The following OSBPL1A variants were observed in gnomAD, a reference collection of about 807,000 sequenced individuals.
OSBPL1A encodes the protein oxysterol binding protein like 1A.
A neutral mutation model predicts 137.1 loss-of-function variants in OSBPL1A; 80 were observed. That is an observed-to-expected ratio of 0.58 (90% CI 0.49 to 0.70). OSBPL1A has a LOEUF of 0.70. Among genes scored for constraint, OSBPL1A ranks in the 30% least tolerant of loss-of-function variants. The pLI, the probability that OSBPL1A is intolerant of heterozygous loss-of-function variation, is 0.00. For missense variants in OSBPL1A, 970 were observed against 1,129.4 expected (o/e 0.86, Z 2.02); for synonymous variants, 365 against 389.7 (o/e 0.94, Z 0.75).
intron 4 of OSBPL1A, chr18:24,366,558 G>C: frequency 5.2e-6 from 1 of 192,026 alleles, no homozygotes; most frequent in Non-Finnish European, 1.1e-5. Context: ...CAATATCACA[G>C]GTGAAGTTTA....
In OSBPL1A at chr18:24,162,803, A is replaced by T. The variant is rs1367269966; in HGVS notation, c.*376T>A. ...ATCTAAAACATTCAAGCATGACAGC[A>T]TAAAAATATTCAAAATAACTTGATT... is the stretch of plus-strand genomic sequence containing the variant. On this transcript the variant is annotated 3_prime_UTR_variant, in exon 28 of 28. Coordinates refer to ENST00000319481, the MANE Select transcript of OSBPL1A (RefSeq NM_080597.4). 3 of 170,306 alleles carry T rather than the reference A, an allele frequency of 1.8e-5. No individual in the cohort carries two copies. Among genetic ancestry groups the T allele is most frequent in the African/African-American group, 7.2e-5 (3 of 41,566 alleles). 10.5% of individuals were successfully genotyped at this position (170,306 alleles called of 1,614,324 possible). A position where few individuals can be genotyped will look rare whatever the true frequency, so the allele number is the denominator to read the frequency against.
At chr18:24,316,604 A>C (rs556341055) in intron 11 of OSBPL1A, among the ~76,000 whole-genome samples, 1 of 152,362 alleles carries the variant, frequency 6.6e-6, no homozygotes, top group South Asian at 2.1e-4. Flanking sequence ...CAATTAATCA[A>C]GAAGACAACA....
At chr18:24,253,095 C>T (rs999625605) in intron 15 of OSBPL1A, among the ~76,000 whole-genome samples, 1 of 142,128 alleles carries the variant, frequency 7.0e-6, no homozygotes, top group African/African-American at 2.6e-5. Context: ...AGTAACAAAA[C>T]GACAGGAGTC....
intron 17 of OSBPL1A, among the ~76,000 whole-genome samples, chr18:24,200,367 G>T (rs907936566): frequency 3.3e-5 from 5 of 152,044 alleles, no homozygotes; most frequent in African/African-American, 1.2e-4. Flanking sequence ...TTCGAGACCA[G>T]CCTGGCCAAG....
chr18:24,222,075 GACAGCAGGCATCTTATTCCTGAT>G (rs2087911027), intron 17 of OSBPL1A, among the ~76,000 whole-genome samples: 1 of 152,084 alleles, frequency 6.6e-6, no homozygotes, highest in African/African-American at 2.4e-5. Flanking sequence ...TAAAAAAGAT[GACAGCAGGCATCTTATTCCTGAT>G]AAGAACTGTT....
Position 24,271,678 on chromosome 18 carries a change from T to A in OSBPL1A, c.1281+9164A>T, listed in dbSNP as rs1196217398. The A allele has an allele frequency of 1.0e-6, 1 of 985,532 alleles. No homozygotes were observed. The highest frequency in any genetic ancestry group is 1.7e-5 in the African/African-American group (1 of 57,202). The allele number at this position is 985,532 out of a possible 1,614,324, so 61.0% of individuals were successfully genotyped here. A position where few individuals can be genotyped will look rare whatever the true frequency, so the allele number is the denominator to read the frequency against. On this transcript the variant is annotated intron_variant, in intron 15 of 27. Transcript: ENST00000319481. The surrounding 1 kb of genome is among the most constrained non-coding windows in gnomAD (Gnocchi z 4.0). ...GCTCCACCCTGCGCTCCTCGCAAGC[T>A]CCAGCGCGAATGCGCTCGGCCTGCT...
intron 15 of OSBPL1A, among the ~76,000 whole-genome samples, chr18:24,242,231 A>T (rs2088721068): frequency 6.6e-6 from 1 of 151,076 alleles, no homozygotes; most frequent in African/African-American, 2.4e-5. Flanking sequence ...ACCATGGCAC[A>T]TATATATATA....
chr18:24,395,814 G>T (rs1286421964), intron 1 of OSBPL1A, among the ~76,000 whole-genome samples: 1 of 151,132 alleles, frequency 6.6e-6, no homozygotes, highest in Non-Finnish European at 1.5e-5. Flanking sequence ...TAGAGACAGG[G>T]TTTCATCATT....
chr18:24,307,809 G>T (rs1422154040), intron 13 of OSBPL1A, among the ~76,000 whole-genome samples: 1 of 152,108 alleles, frequency 6.6e-6, no homozygotes, highest in Admixed American at 6.5e-5. Context: ...TTTGAGAGAG[G>T]CTGGCTCTAT....
At chr18:24,225,310 T>G in intron 16 of OSBPL1A, 112 bp from the exon 17 acceptor site, 1 of 1,107,838 alleles carries the variant, frequency 9.0e-7, no homozygotes, top group South Asian at 1.5e-5. Context: ...GCCTACTTTG[T>G]CCCTCAACAA....
chr18:24,166,742 G>A (rs2086153632), intron 25 of OSBPL1A, 40 bp from the exon 26 acceptor site: 1 of 1,581,754 alleles, frequency 6.3e-7, no homozygotes, highest in Non-Finnish European at 8.6e-7. Context: ...ATATGCCAAG[G>A]CATAATGCAA....
At chr18:24,328,218 ATTTTTTTTTTTTTT>A (rs564798076) in intron 7 of OSBPL1A, among the ~76,000 whole-genome samples, 2 of 48,598 alleles carry the variant, frequency 4.1e-5, no homozygotes, top group African/African-American at 2.1e-4. Flanking sequence ...AATTTTTTGT[ATTTTTTTTTTTTTT>A]TTTTTTTTTT....
chr18:24,171,938 T>C (rs1269329153), intron 22 of OSBPL1A, among the ~76,000 whole-genome samples: 4 of 150,450 alleles, frequency 2.7e-5, no homozygotes, highest in Non-Finnish European at 5.9e-5. Flanking sequence ...TTATATTGCC[T>C]GATCCTTTTT....
Position 24,368,346 on chromosome 18 carries a change from T to C in OSBPL1A, c.148A>G (p.Thr50Ala). Reference sequence around the variant, plus strand: ...AAATAGCATGCCAGATGTAGAGGTGTCCAGCCCAAGTTAGACTTACTTCTT... The same window carrying C: ...AAATAGCATGCCAGATGTAGAGGTGCCCAGCCCAAGTTAGACTTACTTCTT... Reference protein sequence around the residue: ...KGRSKSNLGWTPLHLACYFGH... With the variant: ...KGRSKSNLGWAPLHLACYFGH... The change falls in exon 3 of 28, where the codon ACA becomes GCA. Residue 50 changes from threonine (T) to alanine (A), a missense_variant. Thr to Ala is a moderately conservative substitution (Grantham distance 58). Around this residue, in one of 2 missense-constraint regions of OSBPL1A, gnomAD observed 647 missense variants for 672.6 expected, o/e 0.96. Coordinates refer to ENST00000319481, the MANE Select transcript of OSBPL1A (RefSeq NM_080597.4). The C allele has an allele frequency of 4.3e-6, 7 of 1,613,654 alleles. No homozygotes were observed. Among genetic ancestry groups the C allele is most frequent in the Non-Finnish European group, 5.9e-6 (7 of 1,179,624 alleles).
At chr18:24,365,025 C>CAAAAAAAAAAAA (rs56400717) in intron 4 of OSBPL1A, among the ~76,000 whole-genome samples, 7 of 89,680 alleles carry the variant, frequency 7.8e-5, no homozygotes, top group East Asian at 3.8e-4. Flanking sequence ...AAAACAACAA[C>CAAAAAAAAAAAA]AAAAAAAAAA....
intron 2 of OSBPL1A, among the ~76,000 whole-genome samples, chr18:24,375,314 CAAAAAAAAAAAAAA>C (rs61252568): frequency 4.8e-5 from 2 of 41,696 alleles, no homozygotes; most frequent in African/African-American, 8.6e-5. Context: ...AACCCTGTCT[CAAAAAAAAAAAAAA>C]AAAAAAAAAA....
At chr18:24,251,389 C>G (rs275866) in intron 15 of OSBPL1A, among the ~76,000 whole-genome samples, 80,253 of 152,044 alleles carry the variant, frequency 0.53, 21,726 homozygotes, top group East Asian at 0.88. Flanking sequence ...CACCCAGTTC[C>G]AGGTGGCCGA....
intron 17 of OSBPL1A, among the ~76,000 whole-genome samples, chr18:24,211,211 C>T (rs538019903): frequency 6.6e-6 from 1 of 152,344 alleles, no homozygotes; most frequent in Middle Eastern, 3.4e-3. Context: ...AGGCAATCCA[C>T]CTGCCTCGGC....
intron 7 of OSBPL1A, among the ~76,000 whole-genome samples, chr18:24,323,641 T>C (rs1379349899): frequency 3.5e-5 from 1 of 28,316 alleles, no homozygotes; most frequent in Non-Finnish European, 6.5e-5. Flanking sequence ...GCTGGTGCGC[T>C]GCACCCACTA....
Sources: gnomAD v4.1 joint callset for allele counts (sites outside exome capture counted in the v4.1 genomes callset) on GRCh38, gnomAD v4.1.1 for gene constraint, gnomAD v4.1.1 regional missense constraint, Gnocchi (gnomAD v3.1) non-coding constraint, MANE v1.5 for transcripts, NCBI Gene and HGNC (gene_info 2026-07-23, HGNC 2026-07-21) for gene names.